SSUH2: variants seen among roughly 807,000 people sequenced by gnomAD.
SSUH2 encodes the protein ssu-2 homolog.
SSUH2 carries 47 observed loss-of-function variants against 55.3 expected under a neutral mutation model. That is an observed-to-expected ratio of 0.85 (90% CI 0.67 to 1.08). The LOEUF (loss-of-function observed/expected upper bound fraction) is 1.08, where lower values mean the gene tolerates loss of function less well. Ranked by LOEUF, SSUH2 falls within the 50% of genes least tolerant of loss-of-function variation. The probability of loss-of-function intolerance (pLI) is 0.00; values close to 1 mark genes in which losing one functional copy is unlikely to be tolerated. For missense variants in SSUH2, 535 were observed against 490.7 expected (o/e 1.09, Z -0.85); for synonymous variants, 212 against 191.5 (o/e 1.11, Z -0.89).
chr3:8,667,015 C>A (rs971793824), intron 5 of SSUH2, among the ~76,000 whole-genome samples: 3 of 152,190 alleles, frequency 2.0e-5, no homozygotes, highest in Non-Finnish European at 4.4e-5. Context: ...GGAGTTCAGG[C>A]TGGGAGTCCA....
At chr3:8,633,341 A>G (rs1320810140) in intron 4 of SSUH2, among the ~76,000 whole-genome samples, 2 of 151,894 alleles carry the variant, frequency 1.3e-5, no homozygotes, top group Non-Finnish European at 2.9e-5. Flanking sequence ...ATGGGGTTTC[A>G]CCATGTTAGT....
At position 8,654,715 on chromosome 3, in the gene SSUH2, G is replaced by C. The variant is rs200864510; in HGVS notation, c.-307+4210C>G. ...TGCGGCCACTCCAAGATCACAGTGT[G>C]TGGCCTTCTCCCCAAGGTCTCAGTG... On this transcript the variant is annotated intron_variant, in intron 7 of 18. Transcript: ENST00000317371. Among the ~76,000 whole-genome samples the C allele has an allele frequency of 1.9e-4, 29 of 152,262 alleles. No homozygotes were observed. In the East Asian group the frequency reaches 4.6e-3, roughly 24 times the overall value.
At chr3:8,629,580 A>G in intron 7 of SSUH2, 84 bp downstream of exon 7, 1 of 1,263,866 alleles carries the variant, frequency 7.9e-7, no homozygotes, top group Non-Finnish European at 1.1e-6. Context: ...AGGGAGCCTC[A>G]GGCCACCAGC....
intron 3 of SSUH2, among the ~76,000 whole-genome samples, chr3:8,672,567 T>A (rs1462428715): frequency 6.6e-6 from 1 of 152,014 alleles, no homozygotes; most frequent in East Asian, 1.9e-4. Flanking sequence ...TCTCCATGGA[T>A]ATTAGGAAGA....
intron 11 of SSUH2, among the ~76,000 whole-genome samples, chr3:8,621,081 T>C (rs1220300157): frequency 6.6e-6 from 1 of 152,220 alleles, no homozygotes; most frequent in Non-Finnish European, 1.5e-5. Flanking sequence ...TACTGGCAAC[T>C]ACACTTCGTA....
At chr3:8,668,918 G>C (rs1272961335) in intron 5 of SSUH2, among the ~76,000 whole-genome samples, 1 of 135,648 alleles carries the variant, frequency 7.4e-6, no homozygotes, top group Non-Finnish European at 1.6e-5. Flanking sequence ...ATGCCAAAAA[G>C]AATTGTGCAT....
At chr3:8,631,730 G>T (rs371837236) in intron 5 of SSUH2, among the ~76,000 whole-genome samples, 1 of 152,098 alleles carries the variant, frequency 6.6e-6, no homozygotes, top group Non-Finnish European at 1.5e-5. Flanking sequence ...GGTGGCATGA[G>T]GGGGTGTAGG....
chr3:8,678,409 C>A (rs574689321), intron 2 of SSUH2, among the ~76,000 whole-genome samples: 2 of 152,096 alleles, frequency 1.3e-5, no homozygotes, highest in African/African-American at 4.8e-5. Flanking sequence ...AATTCACAGG[C>A]TGGGTGAACA....
intron 5 of SSUH2, among the ~76,000 whole-genome samples, chr3:8,631,349 C>T (rs1409557294): frequency 1.3e-5 from 2 of 152,162 alleles, no homozygotes; most frequent in Non-Finnish European, 2.9e-5. Flanking sequence ...TCATCACCAT[C>T]CCCTTCACCA....
chr3:8,671,040 G>A (rs1474275825), exon 5 of SSUH2: 1 of 404,998 alleles, frequency 2.5e-6, no homozygotes, highest in Non-Finnish European at 5.2e-6. Context: ...AGGACAATAC[G>A]AATAATATCA....
At chr3:8,625,182 A>G (rs1697267192) in intron 10 of SSUH2, among the ~76,000 whole-genome samples, 1 of 151,942 alleles carries the variant, frequency 6.6e-6, no homozygotes, top group African/African-American at 2.4e-5. Context: ...TGCCTGATAT[A>G]GGAGGAGGGT....
intron 1 of SSUH2, among the ~76,000 whole-genome samples, chr3:8,641,822 G>A (rs1044755389): frequency 1.3e-5 from 2 of 152,260 alleles, no homozygotes; most frequent in Non-Finnish European, 2.9e-5. Context: ...CTGAGAGCCT[G>A]AAAGCTAGTA....
upstream of SSUH2, chr3:8,644,810 G>A (rs571205652): frequency 9.4e-6 from 14 of 1,493,214 alleles, no homozygotes; most frequent in East Asian, 4.9e-5. Flanking sequence ...TGCTTGGACC[G>A]ATGTGCTCTG....
chr3:8,634,478 C>T, intron 3 of SSUH2: 1 of 1,289,962 alleles, frequency 7.8e-7, no homozygotes, highest in Non-Finnish European at 1.0e-6. Flanking sequence ...TTCTCCATGG[C>T]AGCCCTGAGA....
At chr3:8,639,529 T>G (rs910056136) in intron 1 of SSUH2, among the ~76,000 whole-genome samples, 1 of 152,198 alleles carries the variant, frequency 6.6e-6, no homozygotes, top group Non-Finnish European at 1.5e-5. Flanking sequence ...ATCAGGTGAA[T>G]GTTGAGAAGA....
chr3:8,632,140 C>A (rs747739873), intron 4 of SSUH2, 31 bp from the exon 5 acceptor site: 12 of 1,587,108 alleles, frequency 7.6e-6, no homozygotes, highest in Non-Finnish European at 1.0e-5. Context: ...TGTTCACACT[C>A]GTGCCCCTTA....
intron 6 of SSUH2, among the ~76,000 whole-genome samples, chr3:8,662,257 C>T (rs536194718): frequency 7.2e-5 from 11 of 152,264 alleles, no homozygotes; most frequent in African/African-American, 1.9e-4. Flanking sequence ...TGAGAGAGGG[C>T]CATGGGGAAT....
At chr3:8,646,193 T>C (rs1461867034), upstream of SSUH2, among the ~76,000 whole-genome samples, 2 of 152,222 alleles carry the variant, frequency 1.3e-5, no homozygotes, top group African/African-American at 4.8e-5. Context: ...TGTGTGAGCA[T>C]CCATTGCTGT....
chr3:8,666,764 C>A (rs1704031054), intron 5 of SSUH2, among the ~76,000 whole-genome samples: 2 of 152,216 alleles, frequency 1.3e-5, no homozygotes, highest in Admixed American at 6.5e-5. Flanking sequence ...GTCCCCAAGA[C>A]CACACCACTC....
Sources: gnomAD v4.1 joint callset for allele counts (sites outside exome capture counted in the v4.1 genomes callset) on GRCh38, gnomAD v4.1.1 for gene constraint, MANE v1.5 for transcripts, NCBI Gene and HGNC (gene_info 2026-07-23, HGNC 2026-07-21) for gene names.